CREB5: variants seen among roughly 807,000 people sequenced by gnomAD.
CREB5 encodes the protein cyclic AMP-responsive element-binding protein 5.
CREB5 carries 19 observed loss-of-function variants against 57.1 expected under a neutral mutation model. The ratio of observed to expected loss-of-function variants is 0.33; its 90% confidence interval spans 0.23 to 0.49. The LOEUF is 0.49. Ranked by LOEUF, CREB5 falls within the 20% of genes least tolerant of loss-of-function variation. The probability of loss-of-function intolerance (pLI) is 0.99; values close to 1 mark genes in which losing one functional copy is unlikely to be tolerated. For synonymous variants in CREB5, 238 were observed against 238.3 expected, an observed-to-expected ratio of 1.00 and a Z score of 0.01; for missense variants, 579 against 671.6, an observed-to-expected ratio of 0.86 and a Z score of 1.52.
At chr7:28,791,246 A>G (rs1193675275) in intron 7 of CREB5, among the ~76,000 whole-genome samples, 1 of 152,348 alleles carries the variant, frequency 6.6e-6, no homozygotes, top group East Asian at 1.9e-4. Context: ...ATTCTGCCTT[A>G]TCATTATACA....
At chr7:28,399,695 G>A (rs900018255) in intron 1 of CREB5, among the ~76,000 whole-genome samples, 1 of 152,116 alleles carries the variant, frequency 6.6e-6, no homozygotes, top group African/African-American at 2.4e-5. Flanking sequence ...TAGGAGGATT[G>A]CTTGAGCCCA....
At chr7:28,785,750 G>A (rs1269157609) in intron 7 of CREB5, among the ~76,000 whole-genome samples, 2 of 152,164 alleles carry the variant, frequency 1.3e-5, no homozygotes, top group Non-Finnish European at 2.9e-5. Context: ...GTGGGTCAGT[G>A]GAGAGAGGAA....
At chr7:28,621,280 G>A (rs1280199204) in intron 5 of CREB5, among the ~76,000 whole-genome samples, 1 of 152,170 alleles carries the variant, frequency 6.6e-6, no homozygotes, top group African/African-American at 2.4e-5. Flanking sequence ...AGGCATGCAG[G>A]GTCACTGGAA....
intron 1 of CREB5, among the ~76,000 whole-genome samples, chr7:28,337,908 C>T (rs1785858300): frequency 6.6e-6 from 1 of 151,992 alleles, no homozygotes; most frequent in Non-Finnish European, 1.5e-5. Flanking sequence ...AGCTTGCAAA[C>T]AATATCTTAT....
rs539381180 is a variant in CREB5, at chr7:28,419,177, G to T, written c.3+6260G>T. 5.9e-5 allele frequency among the ~76,000 whole-genome samples: 9 copies of T among 152,308 alleles called. No homozygotes were observed. The South Asian group carries it at 1.9e-3, about 32-fold the overall frequency. ...TTTGTGATTGACTGTTAAAAGTATTGTGTGGAGAGACAATGAGATTAATGA... is the reference window on the plus strand; with the variant it reads ...TTTGTGATTGACTGTTAAAAGTATTTTGTGGAGAGACAATGAGATTAATGA... On this transcript the variant is annotated intron_variant, in intron 1 of 10. Transcript: ENST00000357727.
At chr7:28,733,032 G>A (rs769594256) in intron 7 of CREB5, among the ~76,000 whole-genome samples, 9 of 152,000 alleles carry the variant, frequency 5.9e-5, no homozygotes, top group Non-Finnish European at 1.2e-4. Context: ...GGATACTTAG[G>A]TCCCAGACAA....
chr7:28,314,645 T>G (rs1785340929), intron 1 of CREB5, among the ~76,000 whole-genome samples: 1 of 152,150 alleles, frequency 6.6e-6, no homozygotes, highest in Non-Finnish European at 1.5e-5. Flanking sequence ...TTCATATACT[T>G]TGGGGTAAGG....
intron 3 of CREB5, among the ~76,000 whole-genome samples, chr7:28,503,926 G>A (rs1261312906): frequency 6.9e-6 from 1 of 144,452 alleles, no homozygotes; most frequent in Non-Finnish European, 1.5e-5. Flanking sequence ...TCCCAGGGCT[G>A]TTACCAAATG....
At chr7:28,718,337 G>A (rs1213547553) in intron 5 of CREB5, among the ~76,000 whole-genome samples, 1 of 152,216 alleles carries the variant, frequency 6.6e-6, no homozygotes, top group African/African-American at 2.4e-5. Flanking sequence ...AAGCCAGGCA[G>A]GCTTCCAGGC....
At chr7:28,655,882 G>A (rs78635874) in intron 5 of CREB5, among the ~76,000 whole-genome samples, 35 of 152,136 alleles carry the variant, frequency 2.3e-4, no homozygotes, top group South Asian at 4.1e-4. Context: ...AATGTCTGCC[G>A]TCAACTGAGC....
At chr7:28,707,021 C>T (rs781390089) in intron 5 of CREB5, among the ~76,000 whole-genome samples, 9 of 152,054 alleles carry the variant, frequency 5.9e-5, no homozygotes, top group Admixed American at 3.3e-4. Context: ...CTCCCTTCAG[C>T]CTAGAAGAGA....
In CREB5 at chr7:28,809,402, C is replaced by T. The variant is rs1808962083; in HGVS notation, c.1242C>T (p.Asn414=). The change falls in exon 9 of 11, where the codon AAC becomes AAT. Residue 414 remains asparagine, a synonymous_variant. Transcript: ENST00000357727. ...AAGCAGAAGAACTCACCCAGACAAA[C>T]ATGCAGCTTCAGGTGCAGCCCACGG... ...EKKAEELTQT[N]MQLQNEVSML... is the part of the protein sequence containing the mutation. The T allele has an allele frequency of 6.2e-7, 1 of 1,612,080 alleles. No homozygotes were observed. Among genetic ancestry groups the T allele is most frequent in the African/African-American group, 1.3e-5 (1 of 74,904 alleles).
chr7:28,807,327 T>C (rs1163930843), intron 8 of CREB5, among the ~76,000 whole-genome samples: 1 of 152,154 alleles, frequency 6.6e-6, no homozygotes, highest in East Asian at 1.9e-4. Flanking sequence ...CAGGCACCTG[T>C]AATCCCAGCT....
intron 5 of CREB5, among the ~76,000 whole-genome samples, chr7:28,592,513 G>A (rs772896233): frequency 6.6e-6 from 1 of 152,128 alleles, no homozygotes; most frequent in Non-Finnish European, 1.5e-5. Flanking sequence ...GCAAGGGGGG[G>A]TTGACATCCT....
intron 1 of CREB5, among the ~76,000 whole-genome samples, chr7:28,485,337 C>T (rs1791505707): frequency 6.6e-6 from 1 of 152,102 alleles, no homozygotes; most frequent in African/African-American, 2.4e-5. Context: ...TTTACTGTCA[C>T]ATCATCTAAT....
intron 2 of CREB5, 23 bp from the exon 3 acceptor site, chr7:28,494,883 C>CTT (rs3216916): frequency 1.9e-3 from 2,381 of 1,271,610 alleles, no homozygotes; most frequent in South Asian, 4.3e-3. Flanking sequence ...TCTCCCCTCC[C>CTT]TTTTTTTTTA....
chr7:28,518,332 G>A (rs945787389), intron 4 of CREB5, among the ~76,000 whole-genome samples: 9 of 152,278 alleles, frequency 5.9e-5, no homozygotes, highest in East Asian at 5.8e-4. Flanking sequence ...AAAAGCAGTC[G>A]TGTTTTGTGT....
At chr7:28,463,539 A>G (rs932475393) in intron 1 of CREB5, among the ~76,000 whole-genome samples, 3 of 152,164 alleles carry the variant, frequency 2.0e-5, no homozygotes, top group African/African-American at 7.2e-5. Flanking sequence ...TAACGATACT[A>G]ATTCTTCCAA....
chr7:28,509,363 C>A (rs1392549531), intron 4 of CREB5, among the ~76,000 whole-genome samples: 5 of 152,166 alleles, frequency 3.3e-5, no homozygotes, highest in African/African-American at 1.2e-4. Context: ...GAAATTCTTG[C>A]AGATCTGAAT....
Sources: gnomAD v4.1 joint callset for allele counts (sites outside exome capture counted in the v4.1 genomes callset) on GRCh38, gnomAD v4.1.1 for gene constraint, MANE v1.5 for transcripts, NCBI Gene and HGNC (gene_info 2026-07-23, HGNC 2026-07-21) for gene names.